SHANK1: variants seen among roughly 807,000 people sequenced by gnomAD.
SHANK1 encodes the protein SH3 and multiple ankyrin repeat domains protein 1.
Under a neutral mutation model 165.6 loss-of-function variants are expected in SHANK1, and 35 were observed. The observed-to-expected ratio is 0.21, with a 90% CI of 0.16 to 0.28. SHANK1 has a LOEUF of 0.28. Ranked by LOEUF, SHANK1 falls within the 10% of genes least tolerant of loss-of-function variation. SHANK1 has a pLI of 1.00. For missense variants in SHANK1, 2,681 were observed against 3,036.4 expected, an observed-to-expected ratio of 0.88 and a Z score of 2.75; for synonymous variants, 1,428 against 1,384.8, an observed-to-expected ratio of 1.03 and a Z score of -0.69.
rs1162796795 is a variant in SHANK1 at position 50,716,781 on chromosome 19, C to T, written c.139G>A (p.Ala47Thr). 3.7e-6 allele frequency: 6 copies of T among 1,605,406 alleles called. No homozygotes were observed. The highest frequency in any genetic ancestry group is 5.1e-6 in the Non-Finnish European group (6 of 1,176,384). The part of the protein sequence containing the change: ...PRGTRGQGSG[A>T]PGSLASVRGL... ...CTAACAGAGGCCAGGCTACCAGGTG[C>T]CCCACTGCCCTGGCCCCGGGTCCCC... The change falls in exon 2 of 24, where the codon GCA becomes ACA. Residue 47 changes from alanine (A) to threonine (T), a missense_variant. Physicochemically the swap from Ala to Thr is moderately conservative, Grantham distance 58. Around this residue, in one of 10 missense-constraint regions of SHANK1, gnomAD observed 118 missense variants for 106.9 expected, o/e 1.10. Coordinates refer to ENST00000293441, the MANE Select transcript of SHANK1 (RefSeq NM_016148.5). This position sits in a 1 kb window ranked among gnomAD's most constrained non-coding sequence, Gnocchi z 8.4.
chr19:50,715,023 T>C (rs1167773361), intron 4 of SHANK1, among the ~76,000 whole-genome samples: 1 of 151,928 alleles, frequency 6.6e-6, no homozygotes, highest in Non-Finnish European at 1.5e-5. Context: ...CAATGCATGC[T>C]GTGGTGGGGA....
At position 50,716,742 on chromosome 19, in the gene SHANK1, G is replaced by A. The variant is rs753526209; in HGVS notation, c.178C>T (p.Arg60Cys). The stretch of plus-strand genomic sequence containing the variant: ...GCGTCGTCTGGGACGGACATTGAGC[G>A]GCCCTGGAGGCCTCTAACAGAGGCC... ...SLASVRGLQG[R>C]SMSVPDDAHF... Residue 60 changes from arginine to cysteine, a missense_variant, in exon 2 of 24, where the codon CGC becomes TGC. This residue lies in a region of SHANK1 where 118 missense variants were observed against 106.9 expected (regional missense o/e 1.10). Coordinates refer to ENST00000293441, the MANE Select transcript of SHANK1 (RefSeq NM_016148.5). The surrounding 1 kb of genome is among the most constrained non-coding windows in gnomAD (Gnocchi z 8.4). 13 of 1,607,310 alleles carry A rather than the reference G, an allele frequency of 8.1e-6. No individual in the cohort carries two copies. The highest frequency in any genetic ancestry group is 1.3e-5 in the African/African-American group (1 of 74,520).
rs374301468 is a variant in SHANK1, at chr19:50,659,572, C to G, written c.*2393G>C. 1.1e-4 allele frequency among the ~76,000 whole-genome samples: 16 copies of G among 149,702 alleles called. No homozygotes were observed. Among genetic ancestry groups the G allele is most frequent in the Middle Eastern group, 3.4e-3 (1 of 292 alleles). On this transcript the variant is annotated 3_prime_UTR_variant, in exon 24 of 24. Coordinates refer to ENST00000293441, the MANE Select transcript of SHANK1 (RefSeq NM_016148.5). ...CCCCTCCTCTTCCCCTCCCACCCCC[C>G]CTTGGAAGACAATTCTCGGGCTTTT... is the stretch of plus-strand genomic sequence containing the variant.
rs142402078 is a variant in SHANK1 at position 50,692,456 on chromosome 19, G to GATATATATATATATATATATAT, written c.1965-3178_1965-3177insATATATATATATATATATATAT. Among the ~76,000 whole-genome samples, 182 of 128,770 alleles carry GATATATATATATATATATATAT rather than the reference G, an allele frequency of 1.4e-3. 2 individuals are homozygous for GATATATATATATATATATATAT. The highest frequency in any genetic ancestry group is 7.7e-3 in the Middle Eastern group (2 of 260). The allele number at this position is 128,770 out of a possible 152,430, so 84.5% of individuals were successfully genotyped here. ...TCAAAGCCAAGATTTGAATTCACCA[G>GATATATATATATATATATATAT]ATATATATATATATATACACACACA... On this transcript the variant is annotated intron_variant, in intron 15 of 23. Transcript: ENST00000293441.
rs544145246 is a variant in SHANK1 at position 50,690,145 on chromosome 19, T to A, written c.1965-866A>T. On this transcript the variant is annotated intron_variant, in intron 15 of 23. Coordinates refer to ENST00000293441, the MANE Select transcript of SHANK1 (RefSeq NM_016148.5). This position sits in a 1 kb window ranked among gnomAD's most constrained non-coding sequence, Gnocchi z 4.9. ...ACTGTCTTCTGTATTCCCTGGTGCA[T>A]CTCAAATGGAGCTACTGCATGCAGT... 6.6e-6 allele frequency among the ~76,000 whole-genome samples: 1 copy of A among 152,236 alleles called. No individual in the cohort carries two copies. The highest frequency in any genetic ancestry group is 2.4e-5 in the African/African-American group (1 of 41,536).
At position 50,692,456 on chromosome 19, in the gene SHANK1, G is replaced by GATATAT. The variant is rs142402078; in HGVS notation, c.1965-3183_1965-3178dup. ...TCAAAGCCAAGATTTGAATTCACCA[G>GATATAT]ATATATATATATATATACACACACA... On this transcript the variant is annotated intron_variant, in intron 15 of 23. Transcript: ENST00000293441. Among the ~76,000 whole-genome samples the GATATAT allele has an allele frequency of 2.2e-4, 28 of 128,906 alleles. 1 individual carries two copies. The highest frequency in any genetic ancestry group is 1.1e-3 in the East Asian group (5 of 4,506). 84.6% of individuals were successfully genotyped at this position (128,906 alleles called of 152,430 possible). A position where few individuals can be genotyped will look rare whatever the true frequency, so the allele number is the denominator to read the frequency against.
At chr19:50,715,449 G>T (rs1436316960) in intron 4 of SHANK1, among the ~76,000 whole-genome samples, 1 of 151,974 alleles carries the variant, frequency 6.6e-6, no homozygotes, top group Non-Finnish European at 1.5e-5. Flanking sequence ...AGGAAAGTAA[G>T]AAGGGGTTGT....
chr19:50,689,189 G>T lies in SHANK1; in HGVS notation c.2047+8C>A. ...CCTTCTCCCATCCCCTCCCCGGCTG[G>T]CACTCACCCTTGGCCCCCCGGAGCA... is the stretch of plus-strand genomic sequence containing the variant. On this transcript the variant is annotated splice_region_variant and intron_variant, in intron 16 of 23. Transcript: ENST00000293441. 1 of 1,603,080 alleles carries T rather than the reference G, an allele frequency of 6.2e-7. No individual in the cohort carries two copies.
chr19:50,675,352 G>A (rs770717987), intron 21 of SHANK1, among the ~76,000 whole-genome samples: 2 of 152,162 alleles, frequency 1.3e-5, no homozygotes, highest in Non-Finnish European at 2.9e-5. Context: ...GTTACCTGTG[G>A]CTGGTGGCTA....
At position 50,686,912 on chromosome 19, in the gene SHANK1, G is replaced by GT; in HGVS notation, c.2390-101dup. 2 of 1,453,142 alleles carry GT rather than the reference G, an allele frequency of 1.4e-6. No homozygotes were observed. Among genetic ancestry groups the GT allele is most frequent in the Non-Finnish European group, 1.9e-6 (2 of 1,078,678 alleles). The allele number at this position is 1,453,142 out of a possible 1,614,324, so 90.0% of individuals were successfully genotyped here. A position where few individuals can be genotyped will look rare whatever the true frequency, so the allele number is the denominator to read the frequency against. The stretch of plus-strand genomic sequence containing the variant: ...GGCCAGCAGGTGCGGGCCAGTGGGC[G>GT]TGGCGGGCGCGAGAGGGGCAGTGAG... On this transcript the variant is annotated intron_variant, in intron 19 of 23. Transcript: ENST00000293441. The surrounding 1 kb of genome is among the most constrained non-coding windows in gnomAD (Gnocchi z 5.7).
At position 50,660,474 on chromosome 19, in the gene SHANK1, G is replaced by A. The variant is rs1985159353; in HGVS notation, c.*1491C>T. Among the ~76,000 whole-genome samples the A allele has an allele frequency of 2.0e-5, 3 of 152,010 alleles. No individual in the cohort carries two copies. The highest frequency in any genetic ancestry group is 1.3e-4 in the Admixed American group (2 of 15,254). ...CCAGGAAGAGAAAGAGCTTAAGGAG[G>A]TAAGAGAATCCGAATGAGAATGGCC... On this transcript the variant is annotated 3_prime_UTR_variant, in exon 24 of 24. Coordinates refer to ENST00000293441, the MANE Select transcript of SHANK1 (RefSeq NM_016148.5).
chr19:50,668,719 C>T lies in SHANK1; in HGVS notation c.3241G>A (p.Ala1081Thr). 1 of 1,287,808 alleles carries T rather than the reference C, an allele frequency of 7.8e-7. No homozygotes were observed. The highest frequency in any genetic ancestry group is 9.8e-7 in the Non-Finnish European group (1 of 1,024,216). 79.8% of individuals were successfully genotyped at this position (1,287,808 alleles called of 1,614,324 possible). Residue 1081 changes from alanine to threonine, a missense_variant, in exon 23 of 24, where the codon GCT becomes ACT. Physicochemically the swap from Ala to Thr is moderately conservative, Grantham distance 58. Around this residue, in one of 10 missense-constraint regions of SHANK1, gnomAD observed 1,713 missense variants for 1,630.2 expected, o/e 1.05. Transcript: ENST00000293441. ...GGGGGSSQGP[A>T]LRYFQLPPRA... ...GGGGGCAGCTGGAAATAGCGTAGAGCCGGGCCCTGGGAGGAGCCGCCGCCC... is the reference window on the plus strand; with the variant it reads ...GGGGGCAGCTGGAAATAGCGTAGAGTCGGGCCCTGGGAGGAGCCGCCGCCC...
rs1276014438 is a variant in SHANK1, at chr19:50,667,205, C to A, written c.4755G>T (p.Thr1585=). The A allele has an allele frequency of 3.2e-6, 5 of 1,576,758 alleles. No homozygotes were observed. In the South Asian group the frequency reaches 3.4e-5, roughly 11 times the overall value. The change falls in exon 23 of 24, where the codon ACG becomes ACT. Residue 1585 remains threonine (T), a synonymous_variant. Transcript: ENST00000293441. The surrounding 1 kb of genome is among the most constrained non-coding windows in gnomAD (Gnocchi z 5.7). ...NSFEKPESPL[T]PGPPHPLPDT... ...CGGGCAGCGGGTGGGGAGGCCCAGG[C>A]GTGAGGGGCGACTCTGGCTTTTCGA...
chr19:50,675,586 C>A (rs4802728), intron 21 of SHANK1, among the ~76,000 whole-genome samples: 68,655 of 151,812 alleles, frequency 0.45, 15,956 homozygotes, highest in Admixed American at 0.54. Context: ...GCAGATACGA[C>A]AAATTAGACA....
chr19:50,673,564 T>C lies in SHANK1; in HGVS notation c.2578-1450A>G, dbSNP rs183973782. Among the ~76,000 whole-genome samples, 583 of 152,212 alleles carry C rather than the reference T, an allele frequency of 3.8e-3. 2 individuals carry two copies. Among genetic ancestry groups the C allele is most frequent in the Non-Finnish European group, 6.1e-3 (417 of 68,028 alleles). On this transcript the variant is annotated intron_variant, in intron 21 of 23. Transcript: ENST00000293441. Reference sequence around the variant, plus strand: ...CTGCACTTCCCTCTGTCCCATTTTCTTCACAGCATCTCTCTTCCCCAGAAA... The same window carrying C: ...CTGCACTTCCCTCTGTCCCATTTTCCTCACAGCATCTCTCTTCCCCAGAAA...
chr19:50,713,873 G>A lies in SHANK1; in HGVS notation c.717C>T (p.His239=). ...TGCCATCCCGGGCCCGGAAGTCAATGTGGGCCCCGCCCAGGCACAGGGTTC... is the reference window on the plus strand; with the variant it reads ...TGCCATCCCGGGCCCGGAAGTCAATATGGGCCCCGCCCAGGCACAGGGTTC... ...VIRTLCLGGA[H]IDFRARDGMT... The change falls in exon 6 of 24, where the codon CAC becomes CAT. Residue 239 remains histidine, a synonymous_variant. Coordinates refer to ENST00000293441, the MANE Select transcript of SHANK1 (RefSeq NM_016148.5). The surrounding 1 kb of genome is among the most constrained non-coding windows in gnomAD (Gnocchi z 6.2). 6.2e-7 allele frequency: 1 copy of A among 1,613,990 alleles called. No individual in the cohort carries two copies. Among genetic ancestry groups the A allele is most frequent in the Non-Finnish European group, 8.5e-7 (1 of 1,179,978 alleles).
In SHANK1 at chr19:50,662,113, G is replaced by C; in HGVS notation, c.6338C>G (p.Ala2113Gly). The change falls in exon 24 of 24, where the codon GCG (alanine) becomes GGG (glycine). Residue 2113 changes from alanine to glycine, a missense_variant. By Grantham distance (60) the Ala-to-Gly change is moderately conservative. Transcript: ENST00000293441. This position sits in a 1 kb window ranked among gnomAD's most constrained non-coding sequence, Gnocchi z 7.7. The stretch of plus-strand genomic sequence containing the variant: ...GTCCAGGAACTGGGCTCGGTGCTCC[G>C]CCAAACCCAGCCACTCCAGCCAATC... ...VADWLEWLGLAEHRAQFLDHE... is the reference protein window; with the variant it reads ...VADWLEWLGLGEHRAQFLDHE... The C allele has an allele frequency of 6.2e-7, 1 of 1,613,858 alleles. No homozygotes were observed. The highest frequency in any genetic ancestry group is 8.5e-7 in the Non-Finnish European group (1 of 1,179,866).
At chr19:50,665,029 T>C (rs1985420240) in intron 23 of SHANK1, among the ~76,000 whole-genome samples, 1 of 152,222 alleles carries the variant, frequency 6.6e-6, no homozygotes, top group Non-Finnish European at 1.5e-5. Context: ...AGTGCTGGGA[T>C]TACAGGCGTG....
At chr19:50,684,445 C>T (rs965654591) in intron 21 of SHANK1, among the ~76,000 whole-genome samples, 19 of 152,120 alleles carry the variant, frequency 1.2e-4, no homozygotes, top group Non-Finnish European at 2.6e-4. Context: ...AGGCTGGTCT[C>T]GAACTCCTGA....
Sources: gnomAD v4.1 joint callset for allele counts (sites outside exome capture counted in the v4.1 genomes callset) on GRCh38, gnomAD v4.1.1 for gene constraint, gnomAD v4.1.1 regional missense constraint, Gnocchi (gnomAD v3.1) non-coding constraint, MANE v1.5 for transcripts, NCBI Gene and HGNC (gene_info 2026-07-23, HGNC 2026-07-21) for gene names.